The following EPAS1 variants were observed in gnomAD, a reference collection of about 807,000 sequenced individuals.
EPAS1 encodes the protein endothelial PAS domain-containing protein 1.
A neutral mutation model predicts 87.9 loss-of-function variants in EPAS1; 23 were observed. The observed-to-expected ratio is 0.26, with a 90% CI of 0.19 to 0.37. EPAS1 has a LOEUF of 0.37. Ranked by LOEUF, EPAS1 falls within the 10% of genes least tolerant of loss-of-function variation. EPAS1 has a pLI of 1.00. For missense variants in EPAS1, 1,138 were observed against 1,120.7 expected, an observed-to-expected ratio of 1.02 and a Z score of -0.22; for synonymous variants, 508 against 444.3, an observed-to-expected ratio of 1.14 and a Z score of -1.80.
chr2:46,349,309 A>G (rs1268640310), intron 2 of EPAS1, among the ~76,000 whole-genome samples: 1 of 152,206 alleles, frequency 6.6e-6, no homozygotes, highest in Non-Finnish European at 1.5e-5. Flanking sequence ...TCAGTGGTTC[A>G]AAGGTTGGCC....
intron 6 of EPAS1, among the ~76,000 whole-genome samples, chr2:46,364,354 A>G (rs1041687183): frequency 3.3e-5 from 5 of 152,256 alleles, no homozygotes; most frequent in Non-Finnish European, 7.3e-5. Context: ...TACTTGTCTT[A>G]TATATACTGA....
intron 1 of EPAS1, among the ~76,000 whole-genome samples, chr2:46,325,974 G>A (rs1335207921): frequency 1.3e-5 from 2 of 152,172 alleles, no homozygotes; most frequent in African/African-American, 4.8e-5. Context: ...CCATAATTAT[G>A]GCGCCCAGTT....
intron 1 of EPAS1, among the ~76,000 whole-genome samples, chr2:46,323,886 T>C (rs1683503182): frequency 6.6e-6 from 1 of 152,204 alleles, no homozygotes; most frequent in South Asian, 2.1e-4. Flanking sequence ...TTGGGTGTGA[T>C]TCTCCTGTCT....
chr2:46,302,578 C>A (rs923681347), intron 1 of EPAS1, among the ~76,000 whole-genome samples: 5 of 152,052 alleles, frequency 3.3e-5, no homozygotes, highest in Non-Finnish European at 5.9e-5. Flanking sequence ...TGCCTGTTCA[C>A]ATGATGGACA....
intron 1 of EPAS1, among the ~76,000 whole-genome samples, chr2:46,316,797 T>G (rs1432014341): frequency 6.6e-6 from 1 of 152,202 alleles, no homozygotes; most frequent in Non-Finnish European, 1.5e-5. Flanking sequence ...CAGGAAAGAC[T>G]CTGCAGCATG....
Position 46,382,029 on chromosome 2 carries a change from C to T in EPAS1, c.2227C>T (p.Leu743Phe). ...SHLMWKRMKN[L>F]RGGSCPLMPD... ...TTTGATGTGGAAACGGATGAAGAAC[C>T]TCAGGGGTGGGAGCTGCCCTTTGAT... Residue 743 changes from leucine to phenylalanine, a missense_variant, in exon 14 of 16, where the codon CTC becomes TTC. Physicochemically the swap from Leu to Phe is conservative, Grantham distance 22. Coordinates refer to ENST00000263734, the MANE Select transcript of EPAS1 (RefSeq NM_001430.5). 1.2e-6 allele frequency: 2 copies of T among 1,614,090 alleles called. No individual in the cohort carries two copies. The highest frequency in any genetic ancestry group is 1.1e-5 in the South Asian group (1 of 91,082).
rs542940058 is a variant in EPAS1 at position 46,346,757 on chromosome 2, C to G, written c.27-116C>G. ...TCAGACAACTGGTGTGAGCCCAGAT[C>G]AGTCTAGTAAGGGAGTGTGGCTGCA... is the stretch of plus-strand genomic sequence containing the variant. On this transcript the variant is annotated intron_variant, in intron 1 of 15. Transcript: ENST00000263734. This position sits in a 1 kb window ranked among gnomAD's most constrained non-coding sequence, Gnocchi z 4.0. The G allele has an allele frequency of 4.8e-6, 5 of 1,042,522 alleles. No homozygotes were observed. In the South Asian group the frequency reaches 6.8e-5, roughly 14 times the overall value. 64.6% of individuals were successfully genotyped at this position (1,042,522 alleles called of 1,614,324 possible).
chr2:46,309,693 T>C (rs1683174527), intron 1 of EPAS1, among the ~76,000 whole-genome samples: 1 of 152,182 alleles, frequency 6.6e-6, no homozygotes, highest in East Asian at 1.9e-4. Context: ...AAACAGAGTG[T>C]GCAGGCCAGG....
intron 15 of EPAS1, 143 bp from the exon 16 acceptor site, chr2:46,384,366 C>A: frequency 8.5e-7 from 1 of 1,181,238 alleles, no homozygotes; most frequent in Non-Finnish European, 1.3e-6. Flanking sequence ...CCCGGGCATG[C>A]AGCAGGCCGT....
chr2:46,373,106 C>A (rs539750607), intron 7 of EPAS1, among the ~76,000 whole-genome samples: 1 of 152,302 alleles, frequency 6.6e-6, no homozygotes, highest in South Asian at 2.1e-4. Flanking sequence ...AGCTGTGAAG[C>A]AAATCATAAC....
intron 1 of EPAS1, among the ~76,000 whole-genome samples, chr2:46,333,272 G>A (rs1683724120): frequency 6.6e-6 from 1 of 152,216 alleles, no homozygotes; most frequent in Non-Finnish European, 1.5e-5. Flanking sequence ...AGGGCTGTAT[G>A]ACACTATTAT....
chr2:46,354,045 C>A, intron 2 of EPAS1, among the ~76,000 whole-genome samples: 1 of 152,230 alleles, frequency 6.6e-6, no homozygotes, highest in East Asian at 1.9e-4. Flanking sequence ...CCTTTGCCTT[C>A]ACTGAAGCCT....
At chr2:46,335,992 C>G (rs181522061) in intron 1 of EPAS1, 1 of 152,248 alleles carries the variant, frequency 6.6e-6, no homozygotes, top group African/African-American at 2.4e-5. Flanking sequence ...ATGGAGATTT[C>G]CAAGTGGGAA....
chr2:46,333,371 G>A (rs1010113309), intron 1 of EPAS1, among the ~76,000 whole-genome samples: 3 of 152,148 alleles, frequency 2.0e-5, no homozygotes, highest in Non-Finnish European at 2.9e-5. Flanking sequence ...ACAAGGTGAC[G>A]GTGCCTTGCA....
At chr2:46,379,834 C>T (rs896947598) in intron 11 of EPAS1, 5 of 283,810 alleles carry the variant, frequency 1.8e-5, no homozygotes, top group Admixed American at 1.3e-4. Context: ...AAAAAAAAGC[C>T]ACAGTGTGCA....
intron 1 of EPAS1, among the ~76,000 whole-genome samples, chr2:46,314,715 G>T (rs142468051): frequency 9.9e-5 from 15 of 152,212 alleles, no homozygotes; most frequent in African/African-American, 2.4e-4. Flanking sequence ...GAAGGTGGAC[G>T]ATTAAAGATG....
intron 6 of EPAS1, among the ~76,000 whole-genome samples, chr2:46,366,739 C>T (rs938941153): frequency 3.3e-5 from 5 of 152,216 alleles, no homozygotes; most frequent in Admixed American, 1.3e-4. Context: ...AAATAGTTCC[C>T]TGGCCCCTGA....
chr2:46,367,630 C>G (rs1389774713), intron 6 of EPAS1, among the ~76,000 whole-genome samples: 1 of 152,242 alleles, frequency 6.6e-6, no homozygotes, highest in African/African-American at 2.4e-5. Flanking sequence ...CCTCTCTGCT[C>G]AGGGCCAAGC....
chr2:46,330,104 CTTTG>C (rs990721095), intron 1 of EPAS1, among the ~76,000 whole-genome samples: 2 of 152,190 alleles, frequency 1.3e-5, no homozygotes, highest in Non-Finnish European at 2.9e-5. Flanking sequence ...ATCAGTAATA[CTTTG>C]TTTCTCTTTT....
Sources: gnomAD v4.1 joint callset for allele counts (sites outside exome capture counted in the v4.1 genomes callset) on GRCh38, gnomAD v4.1.1 for gene constraint, Gnocchi (gnomAD v3.1) non-coding constraint, MANE v1.5 for transcripts, NCBI Gene and HGNC (gene_info 2026-07-23, HGNC 2026-07-21) for gene names.